SLC24A3: variants seen among roughly 807,000 people sequenced by gnomAD.
SLC24A3 encodes solute carrier family 24 member 3, also known as sodium/potassium/calcium exchanger 3.
SLC24A3 carries 28 observed loss-of-function variants against 75.8 expected under a neutral mutation model. The observed-to-expected ratio is 0.37, with a 90% CI of 0.27 to 0.51. The LOEUF (loss-of-function observed/expected upper bound fraction) is 0.51, where lower values mean the gene tolerates loss of function less well. Ranked by LOEUF, SLC24A3 falls within the 20% of genes least tolerant of loss-of-function variation. The pLI is 0.94. For synonymous variants in SLC24A3, 372 were observed against 334.1 expected, an observed-to-expected ratio of 1.11 and a Z score of -1.24; for missense variants, 663 against 847.8, an observed-to-expected ratio of 0.78 and a Z score of 2.71.
At chr20:19,280,735 A>AGCTT (rs1263493038) in intron 1 of SLC24A3, among the ~76,000 whole-genome samples, 1 of 152,180 alleles carries the variant, frequency 6.6e-6, no homozygotes. Flanking sequence ...AGACAACTGG[A>AGCTT]GCTTGATCCC....
At position 19,386,167 on chromosome 20, in the gene SLC24A3, T is replaced by A. The variant is rs140977903; in HGVS notation, c.271+105080T>A. ...TTAAATTTATTCGAAGTATTTTGGTTTGGTGCTACTGTAAATATTATAAGA... is the reference window on the plus strand; with the variant it reads ...TTAAATTTATTCGAAGTATTTTGGTATGGTGCTACTGTAAATATTATAAGA... On this transcript the variant is annotated intron_variant, in intron 2 of 16. Coordinates refer to ENST00000328041, the MANE Select transcript of SLC24A3 (RefSeq NM_020689.4). Among the ~76,000 whole-genome samples, 465 of 152,364 alleles carry A rather than the reference T, an allele frequency of 3.1e-3. 4 individuals carry two copies. Among genetic ancestry groups the A allele is most frequent in the Non-Finnish European group, 4.9e-3 (333 of 68,038 alleles).
intron 6 of SLC24A3, among the ~76,000 whole-genome samples, chr20:19,598,604 T>C (rs951616667): frequency 1.3e-5 from 2 of 152,082 alleles, no homozygotes; most frequent in Non-Finnish European, 2.9e-5. Flanking sequence ...TGTGACTTTC[T>C]CCCACAGTGA....
intron 9 of SLC24A3, among the ~76,000 whole-genome samples, chr20:19,678,598 C>T (rs555160180): frequency 0.12 from 16,661 of 137,040 alleles, 952 homozygotes; most frequent in Non-Finnish European, 0.15. Context: ...TGGGCAGAGG[C>T]GCCCCTCACC....
chr20:19,685,236 G>A lies in SLC24A3; in HGVS notation c.1199G>A (p.Arg400Lys), dbSNP rs755342135. ...GACAGGGGCGTGAATGGGACACGGA[G>A]GGACGATGTTGTGGCTGAGGCTGGC... ...APDRGVNGTR[R>K]DDVVAEAGNE... Residue 400 changes from arginine (R) to lysine (K), a missense_variant, in exon 12 of 17, where the codon AGG becomes AAG. By Grantham distance (26) the Arg-to-Lys change is conservative. Around this residue, in one of 2 missense-constraint regions of SLC24A3, gnomAD observed 510 missense variants for 703.6 expected, o/e 0.72. Coordinates refer to ENST00000328041, the MANE Select transcript of SLC24A3 (RefSeq NM_020689.4). 2 of 1,614,172 alleles carry A rather than the reference G, an allele frequency of 1.2e-6. No individual in the cohort carries two copies. Among genetic ancestry groups the A allele is most frequent in the Admixed American group, 3.3e-5 (2 of 60,020 alleles).
At chr20:19,719,266 T>G (rs879476213) in intron 16 of SLC24A3, among the ~76,000 whole-genome samples, 6 of 152,182 alleles carry the variant, frequency 3.9e-5, no homozygotes, top group Non-Finnish European at 8.8e-5. Context: ...AACTCTTTCA[T>G]GTTATCTGAC....
chr20:19,222,570 G>A (rs184507814), intron 1 of SLC24A3, among the ~76,000 whole-genome samples: 11 of 152,156 alleles, frequency 7.2e-5, no homozygotes, highest in African/African-American at 2.4e-4. Context: ...CTGAGAATCC[G>A]ATAGGAGAGG....
chr20:19,495,544 A>C (rs1259471798), intron 2 of SLC24A3, among the ~76,000 whole-genome samples: 1 of 152,142 alleles, frequency 6.6e-6, no homozygotes, highest in Non-Finnish European at 1.5e-5. Context: ...AAAATATTAG[A>C]GCATAAAAAG....
chr20:19,254,818 C>T (rs1324263946), intron 1 of SLC24A3, among the ~76,000 whole-genome samples: 2 of 152,210 alleles, frequency 1.3e-5, no homozygotes, highest in East Asian at 1.9e-4. Context: ...GCATGGTGGT[C>T]AGGAACCTGC....
chr20:19,240,787 G>GGA (rs1982306446), intron 1 of SLC24A3, among the ~76,000 whole-genome samples: 1 of 152,120 alleles, frequency 6.6e-6, no homozygotes, highest in African/African-American at 2.4e-5. Flanking sequence ...TGGGTCAATG[G>GGA]GACCACTTTT....
chr20:19,405,111 AGCT>A (rs1222733446), intron 2 of SLC24A3, among the ~76,000 whole-genome samples: 2 of 152,060 alleles, frequency 1.3e-5, no homozygotes, highest in African/African-American at 4.8e-5. Flanking sequence ...ACATCTTTTC[AGCT>A]GCCCCCGCCC....
intron 2 of SLC24A3, among the ~76,000 whole-genome samples, chr20:19,333,409 C>G (rs1480074303): frequency 6.6e-6 from 1 of 152,138 alleles, no homozygotes; most frequent in East Asian, 1.9e-4. Flanking sequence ...GTGGCCCCAG[C>G]AGATGCAGGA....
At chr20:19,447,524 G>GT (rs1430645534) in intron 2 of SLC24A3, among the ~76,000 whole-genome samples, 4 of 152,146 alleles carry the variant, frequency 2.6e-5, no homozygotes, top group South Asian at 2.1e-4. Context: ...GAATAAAGTG[G>GT]TTTTTTTGCC....
intron 2 of SLC24A3, among the ~76,000 whole-genome samples, chr20:19,429,599 C>T (rs1310017404): frequency 6.6e-6 from 1 of 152,138 alleles, no homozygotes; most frequent in Admixed American, 6.5e-5. Context: ...CTTGAATTTA[C>T]TGTGTCATTT....
intron 2 of SLC24A3, among the ~76,000 whole-genome samples, chr20:19,467,407 A>G (rs969119685): frequency 1.3e-5 from 2 of 152,174 alleles, no homozygotes; most frequent in Non-Finnish European, 2.9e-5. Flanking sequence ...TAAAGAATAG[A>G]TTTGGGGGAA....
intron 3 of SLC24A3, among the ~76,000 whole-genome samples, chr20:19,528,685 T>C (rs1600267402): frequency 6.6e-6 from 1 of 152,170 alleles, no homozygotes; most frequent in East Asian, 1.9e-4. Context: ...GCACTCTGAT[T>C]GCTGCTGTTT....
At chr20:19,569,231 A>G (rs2122619597) in intron 3 of SLC24A3, among the ~76,000 whole-genome samples, 1 of 152,116 alleles carries the variant, frequency 6.6e-6, no homozygotes, top group African/African-American at 2.4e-5. Flanking sequence ...TTAACCCACT[A>G]CTTGTATTTT....
intron 1 of SLC24A3, among the ~76,000 whole-genome samples, chr20:19,274,116 C>T (rs934519308): frequency 1.3e-5 from 2 of 151,490 alleles, no homozygotes; most frequent in Non-Finnish European, 1.5e-5. Context: ...ATCTGGTTTT[C>T]CTCTTGGAGT....
intron 2 of SLC24A3, among the ~76,000 whole-genome samples, chr20:19,395,219 TAG>T (rs1986434114): frequency 6.6e-6 from 1 of 152,178 alleles, no homozygotes; most frequent in Non-Finnish European, 1.5e-5. Context: ...GTAATGGTCA[TAG>T]AGTTTCAGGT....
intron 15 of SLC24A3, among the ~76,000 whole-genome samples, chr20:19,704,373 C>T (rs2032905288): frequency 6.6e-6 from 1 of 152,176 alleles, no homozygotes; most frequent in Non-Finnish European, 1.5e-5. Context: ...TCATCTAATC[C>T]TTCCAACGCC....
Sources: allele counts gnomAD v4.1 joint callset (sites outside exome capture counted in the v4.1 genomes callset), GRCh38; gene constraint gnomAD v4.1.1; regional missense constraint gnomAD v4.1.1; transcripts MANE v1.5; gene names NCBI Gene and HGNC (gene_info 2026-07-23, HGNC 2026-07-21).